Variants in LAMA1 observed in about 807,000 individuals in gnomAD.
LAMA1 encodes the protein laminin subunit alpha-1.
LAMA1 carries 219 observed loss-of-function variants against 348.7 expected under a neutral mutation model. The observed-to-expected ratio is 0.63, with a 90% confidence interval of 0.56 to 0.70. The LOEUF (loss-of-function observed/expected upper bound fraction) is 0.70. Ranked by LOEUF, LAMA1 falls within the 30% of genes least tolerant of loss-of-function variation. The probability of loss-of-function intolerance (pLI) is 0.00; values close to 1 mark genes in which losing one functional copy is unlikely to be tolerated. For missense variants in LAMA1, 3,744 were observed against 3,888.0 expected, an observed-to-expected ratio of 0.96 and a Z score of 0.99; for synonymous variants, 1,487 against 1,491.0, an observed-to-expected ratio of 1.00 and a Z score of 0.06.
chr18:7,057,452 C>CTTTCT (rs202083554), intron 3 of LAMA1, among the ~76,000 whole-genome samples: 60 of 137,822 alleles, frequency 4.4e-4, no homozygotes, highest in South Asian at 1.2e-3. Flanking sequence ...TCATTTCTTT[C>CTTTCT]TTTCTTTTCT....
At chr18:7,021,539 G>A (rs1598284039) in intron 19 of LAMA1, among the ~76,000 whole-genome samples, 2 of 151,920 alleles carry the variant, frequency 1.3e-5, no homozygotes, top group Middle Eastern at 6.8e-3. Context: ...CATCCTAATT[G>A]AGCTGGGCTA....
Position 7,015,762 on chromosome 18 carries a change from T to A in LAMA1, c.3086A>T (p.Glu1029Val), listed in dbSNP as rs764259393. ...CGCATCGTAGCCCCAGTGCCCATCC[T>A]CACATTCTTCACACTTCACACCCTG... is the stretch of plus-strand genomic sequence containing the variant. ...HTQGVKCEEC[E>V]DGHWGYDAEV... Residue 1029 changes from glutamate to valine, a missense_variant, in exon 22 of 63, where the codon GAG (glutamate) becomes GTG (valine). By Grantham distance (121) the Glu-to-Val change is moderately radical (BLOSUM62 -2). Around this residue, in one of 3 missense-constraint regions of LAMA1, gnomAD observed 1,529 missense variants for 1,689.4 expected, o/e 0.91. Transcript: ENST00000389658. 3.1e-6 allele frequency: 5 copies of A among 1,614,068 alleles called. No individual in the cohort carries two copies. In the South Asian group the frequency reaches 3.3e-5, roughly 11 times the overall value.
At chr18:6,963,986 C>T (rs2057620929) in intron 51 of LAMA1, 1 of 154,164 alleles carries the variant, frequency 6.5e-6, no homozygotes, top group African/African-American at 2.4e-5. Flanking sequence ...AAAGGAGAAT[C>T]CAGAAAAGTC....
chr18:7,019,674 C>CTTTT (rs35235323), intron 19 of LAMA1, among the ~76,000 whole-genome samples: 32 of 94,544 alleles, frequency 3.4e-4, no homozygotes, highest in Non-Finnish European at 4.0e-4. Flanking sequence ...TATGGTAATT[C>CTTTT]TTTTTTTTTT....
chr18:6,989,592 C>T (rs1408778201), intron 36 of LAMA1, among the ~76,000 whole-genome samples: 1 of 152,050 alleles, frequency 6.6e-6, no homozygotes, highest in African/African-American at 2.4e-5. Flanking sequence ...ACATTTTAAA[C>T]TCTTGATTTT....
intron 1 of LAMA1, among the ~76,000 whole-genome samples, chr18:7,114,037 A>G (rs955495794): frequency 1.3e-4 from 20 of 149,994 alleles, no homozygotes; most frequent in Non-Finnish European, 2.9e-4. Flanking sequence ...AGATCGTGCC[A>G]CTGCACTCCA....
At chr18:6,999,876 C>A in intron 31 of LAMA1, 35 bp downstream of exon 31, 1 of 1,570,334 alleles carries the variant, frequency 6.4e-7, no homozygotes, top group East Asian at 2.2e-5. Flanking sequence ...AAACAGAGTG[C>A]CCAGGGATTT....
intron 4 of LAMA1, 51 bp downstream of exon 4, chr18:7,050,641 CAG>C: frequency 6.2e-7 from 1 of 1,611,840 alleles, no homozygotes; most frequent in Non-Finnish European, 8.5e-7. Context: ...GAGTCTGAGA[CAG>C]GGAGACTCTG....
At chr18:7,113,950 G>C (rs1319782746) in intron 1 of LAMA1, among the ~76,000 whole-genome samples, 2 of 151,880 alleles carry the variant, frequency 1.3e-5, no homozygotes, top group Non-Finnish European at 2.9e-5. Context: ...GGTGGCGGGC[G>C]CCTGTAGTCC....
intron 61 of LAMA1, among the ~76,000 whole-genome samples, chr18:6,943,874 T>G (rs1600336490): frequency 6.8e-6 from 1 of 147,424 alleles, no homozygotes; most frequent in African/African-American, 2.5e-5. Context: ...AAGATTCAGA[T>G]GTTATACTAG....
chr18:6,973,002 T>C, intron 47 of LAMA1, 55 bp downstream of exon 47: 1 of 1,603,394 alleles, frequency 6.2e-7, no homozygotes, highest in Non-Finnish European at 8.5e-7. Context: ...ATGACTTTTA[T>C]ATATAGGTAA....
chr18:7,089,038 G>T (rs866355731), intron 1 of LAMA1, among the ~76,000 whole-genome samples: 14 of 151,802 alleles, frequency 9.2e-5, no homozygotes, highest in African/African-American at 2.7e-4. Flanking sequence ...GCTGAGAATA[G>T]GTCCACAAGC....
At chr18:6,996,903 A>G (rs930418223) in intron 33 of LAMA1, among the ~76,000 whole-genome samples, 1 of 152,220 alleles carries the variant, frequency 6.6e-6, no homozygotes, top group Admixed American at 6.5e-5. Context: ...TGATGAAAAC[A>G]TAAAACTATG....
At position 7,016,517 on chromosome 18, in the gene LAMA1, TA is replaced by T. The variant is rs2144126463; in HGVS notation, c.2962del (p.Tyr988ThrfsTer36). Reference protein sequence around the residue: ...KRCDRCAHGFYAYQDGSCTPC... With the variant: ...KRCDRCAHGFXAYQDGSCTPC... ...TGTACAGCTACCATCCTGGTAGGCG[TA>T]GAAGCCATGGGCACACCTGTCACAC... On this transcript the variant is annotated frameshift_variant, in exon 21 of 63. Coordinates refer to ENST00000389658, the MANE Select transcript of LAMA1 (RefSeq NM_005559.4). LOFTEE classifies it high-confidence loss of function. 6 of 1,614,190 alleles carry T rather than the reference TA, an allele frequency of 3.7e-6. No homozygotes were observed. The highest frequency in any genetic ancestry group is 5.1e-6 in the Non-Finnish European group (6 of 1,180,044).
chr18:6,961,707 T>A lies in LAMA1; in HGVS notation c.7505A>T (p.Lys2502Ile). The change falls in exon 53 of 63, where the codon AAA (lysine) becomes ATA (isoleucine). Residue 2502 changes from lysine (K) to isoleucine (I), a missense_variant. By Grantham distance (102) the Lys-to-Ile change is moderately radical. This residue lies in a region of LAMA1 where 1,983 missense variants were observed against 1,934.3 expected (regional missense o/e 1.03). Coordinates refer to ENST00000389658, the MANE Select transcript of LAMA1 (RefSeq NM_005559.4). Reference protein sequence around the residue: ...LKGGYIELPPKSLSPESEWLV... With the variant: ...LKGGYIELPPISLSPESEWLV... ...CCATTCTGATTCTGGTGACAAAGATTTGGGTGGCAATTCAATGTAGCCGCC... is the reference window on the plus strand; with the variant it reads ...CCATTCTGATTCTGGTGACAAAGATATGGGTGGCAATTCAATGTAGCCGCC... 1 of 1,614,090 alleles carries A rather than the reference T, an allele frequency of 6.2e-7. No homozygotes were observed. Among genetic ancestry groups the A allele is most frequent in the East Asian group, 2.2e-5 (1 of 44,866 alleles).
chr18:7,114,264 G>A (rs1343537156), intron 1 of LAMA1, among the ~76,000 whole-genome samples: 1 of 152,098 alleles, frequency 6.6e-6, no homozygotes, highest in Non-Finnish European at 1.5e-5. Flanking sequence ...ACCCTACACT[G>A]TGCTAATATT....
intron 24 of LAMA1, 39 bp from the exon 25 acceptor site, chr18:7,011,518 C>A (rs201198074): frequency 6.4e-7 from 1 of 1,552,320 alleles, no homozygotes; most frequent in Non-Finnish European, 8.8e-7. Flanking sequence ...CTTCAAAATG[C>A]GAACTTTCCA....
chr18:6,997,034 G>T (rs1366969679), intron 33 of LAMA1, among the ~76,000 whole-genome samples: 12 of 151,962 alleles, frequency 7.9e-5, no homozygotes, highest in East Asian at 3.9e-4. Context: ...ATACTGTTCA[G>T]ATTTATTTTC....
At chr18:7,081,411 AT>A (rs1277540697) in intron 1 of LAMA1, among the ~76,000 whole-genome samples, 5 of 151,852 alleles carry the variant, frequency 3.3e-5, no homozygotes, top group African/African-American at 4.8e-5. Flanking sequence ...ATTATCTAGG[AT>A]TTTTTTTGTC....
Sources: allele counts gnomAD v4.1 joint callset (sites outside exome capture counted in the v4.1 genomes callset), GRCh38; gene constraint gnomAD v4.1.1; regional missense constraint gnomAD v4.1.1; transcripts MANE v1.5; gene names NCBI Gene and HGNC (gene_info 2026-07-23, HGNC 2026-07-21).